CREB3L2: variants seen among roughly 807,000 people sequenced by gnomAD.
The protein encoded by CREB3L2 is cAMP responsive element binding protein 3 like 2.
Under a neutral mutation model 57.2 loss-of-function variants are expected in CREB3L2, and 23 were observed. The observed-to-expected ratio is 0.40, with a 90% CI of 0.29 to 0.57. The LOEUF is 0.57. Ranked by LOEUF, CREB3L2 falls within the 20% of genes least tolerant of loss-of-function variation. CREB3L2 has a pLI of 0.42. For missense variants in CREB3L2, 628 were observed against 634.7 expected (o/e 0.99, Z 0.11); for synonymous variants, 268 against 265.1 (o/e 1.01, Z -0.11).
intron 11 of CREB3L2, 98 bp downstream of exon 11, chr7:137,882,314 C>T: frequency 1.2e-6 from 1 of 867,362 alleles, no homozygotes; most frequent in Non-Finnish European, 1.9e-6. Context: ...GGGACTGAAC[C>T]AGGCCTATGG....
At chr7:137,902,789 T>A (rs1799790797) in intron 7 of CREB3L2, among the ~76,000 whole-genome samples, 1 of 71,714 alleles carries the variant, frequency 1.4e-5, no homozygotes, top group African/African-American at 9.2e-5. Flanking sequence ...TTTTTATTGT[T>A]GTAGTTTTTT....
chr7:137,910,194 C>T (rs1241116569), intron 4 of CREB3L2, among the ~76,000 whole-genome samples: 15 of 152,148 alleles, frequency 9.9e-5, no homozygotes, highest in Admixed American at 9.8e-4. Flanking sequence ...AATGCCCCGT[C>T]AGCCAACCCT....
intron 1 of CREB3L2, among the ~76,000 whole-genome samples, chr7:137,955,672 A>G (rs564923367): frequency 6.6e-6 from 1 of 152,170 alleles, no homozygotes; most frequent in Non-Finnish European, 1.5e-5. Context: ...TATTACCAAT[A>G]AAACTAAAAC....
At chr7:137,987,239 T>C (rs1267323735) in intron 1 of CREB3L2, among the ~76,000 whole-genome samples, 1 of 152,210 alleles carries the variant, frequency 6.6e-6, no homozygotes, top group East Asian at 1.9e-4. Context: ...GTTTCCTCAC[T>C]AGATCCCATC....
intron 8 of CREB3L2, among the ~76,000 whole-genome samples, chr7:137,892,149 G>A (rs931042219): frequency 3.9e-5 from 6 of 152,116 alleles, no homozygotes; most frequent in African/African-American, 9.7e-5. Context: ...ATGAAATGGA[G>A]TCAAATAGAA....
intron 2 of CREB3L2, chr7:137,922,475 CAT>C (rs1244793488): frequency 1.6e-4 from 21 of 132,140 alleles, no homozygotes; most frequent in Non-Finnish European, 2.3e-4. Context: ...TATATACACA[CAT>C]ATATATATAC....
In CREB3L2 at chr7:137,877,181, G is replaced by T. The variant is rs1370581012; in HGVS notation, c.*3295C>A. 1 of 202,338 alleles carries T rather than the reference G, an allele frequency of 4.9e-6. No individual in the cohort carries two copies. Among genetic ancestry groups the T allele is most frequent in the Non-Finnish European group, 9.9e-6 (1 of 101,284 alleles). The allele number at this position is 202,338 out of a possible 1,614,324, so 12.5% of individuals were successfully genotyped here. On this transcript the variant is annotated 3_prime_UTR_variant, in exon 12 of 12. Transcript: ENST00000330387. The stretch of plus-strand genomic sequence containing the variant: ...CAAGCTGAACCAAGAGATTTAGGAA[G>T]AAAAAAAAAAACATGGTAATTATAA...
In CREB3L2 at chr7:137,877,182, A is replaced by T; in HGVS notation, c.*3294T>A. ...AAGCTGAACCAAGAGATTTAGGAAGAAAAAAAAAAACATGGTAATTATAAG... is the reference window on the plus strand; with the variant it reads ...AAGCTGAACCAAGAGATTTAGGAAGTAAAAAAAAAACATGGTAATTATAAG... On this transcript the variant is annotated 3_prime_UTR_variant, in exon 12 of 12. Transcript: ENST00000330387. The T allele has an allele frequency of 5.0e-6, 1 of 198,088 alleles. No homozygotes were observed. The highest frequency in any genetic ancestry group is 1.0e-5 in the Non-Finnish European group (1 of 96,930). The allele number at this position is 198,088 out of a possible 1,614,324, so 12.3% of individuals were successfully genotyped here. A position where few individuals can be genotyped will look rare whatever the true frequency, so the allele number is the denominator to read the frequency against.
rs75227975 is a variant in CREB3L2 at position 137,875,201 on chromosome 7, C to T, written c.*5275G>A. On this transcript the variant is annotated 3_prime_UTR_variant, in exon 12 of 12. Transcript: ENST00000330387. ...TTTAGATTTAAACACTGCTGGTCTA[C>T]GTAACCTGTTACAAAAGAGAGCAAA... 0.01 allele frequency: 2,133 copies of T among 211,700 alleles called. 42 individuals are homozygous for T. The highest frequency in any genetic ancestry group is 0.046 in the African/African-American group (2,007 of 44,068). 13.1% of individuals were successfully genotyped at this position (211,700 alleles called of 1,614,324 possible).
At chr7:137,954,791 A>T (rs1801175593) in intron 1 of CREB3L2, among the ~76,000 whole-genome samples, 1 of 152,208 alleles carries the variant, frequency 6.6e-6, no homozygotes, top group African/African-American at 2.4e-5. Context: ...CAGTTGCCTC[A>T]GACTTTTCTG....
intron 1 of CREB3L2, among the ~76,000 whole-genome samples, chr7:137,983,235 C>T (rs896347575): frequency 2.0e-5 from 3 of 152,154 alleles, no homozygotes; most frequent in African/African-American, 7.2e-5. Flanking sequence ...TGGTGAATGC[C>T]TTCCAGAGGA....
chr7:137,905,700 A>G lies in CREB3L2; in HGVS notation c.915+2T>C, dbSNP rs1219249510. 1 of 1,614,052 alleles carries G rather than the reference A, an allele frequency of 6.2e-7. No individual in the cohort carries two copies. ...AGAAGTGCCTAGATTTGAAGAGCTC[A>G]CCTTATTCTTGATCTTCCTCCGAAT... On this transcript the variant is annotated splice_donor_variant, in intron 6 of 11. Transcript: ENST00000330387. LOFTEE classifies it high-confidence loss of function.
At position 137,901,915 on chromosome 7, in the gene CREB3L2, C is replaced by A. The variant is rs567428451; in HGVS notation, c.975-493G>T. Among the ~76,000 whole-genome samples, 16 of 147,186 alleles carry A rather than the reference C, an allele frequency of 1.1e-4. No individual in the cohort carries two copies. In the South Asian group the frequency reaches 2.1e-3, roughly 20 times the overall value. On this transcript the variant is annotated intron_variant, in intron 7 of 11. Coordinates refer to ENST00000330387, the MANE Select transcript of CREB3L2 (RefSeq NM_194071.4). ...AAAGAAAAATAGAAGGAGCTGGGGCCGGGCGTAGTGGCTCATGTCTATAAT... is the reference window on the plus strand; with the variant it reads ...AAAGAAAAATAGAAGGAGCTGGGGCAGGGCGTAGTGGCTCATGTCTATAAT...
chr7:137,899,250 A>G (rs532013357), intron 8 of CREB3L2, among the ~76,000 whole-genome samples: 1 of 152,120 alleles, frequency 6.6e-6, no homozygotes, highest in South Asian at 2.1e-4. Flanking sequence ...TCCCTCACAC[A>G]CCCGGACTTC....
At chr7:137,950,367 G>T (rs565980413) in intron 1 of CREB3L2, among the ~76,000 whole-genome samples, 19 of 152,284 alleles carry the variant, frequency 1.2e-4, no homozygotes, top group African/African-American at 4.3e-4. Flanking sequence ...GTAAGGTCAG[G>T]TATGATTACC....
At chr7:137,882,701 G>A in intron 10 of CREB3L2, 73 bp from the exon 11 acceptor site, 1 of 1,053,298 alleles carries the variant, frequency 9.5e-7, no homozygotes, top group South Asian at 1.8e-5. Context: ...CACTCCAGGT[G>A]CTCAGGGCTG....
Position 137,912,977 on chromosome 7 carries a change from G to A in CREB3L2, c.583+14C>T, listed in dbSNP as rs1383622500. The A allele has an allele frequency of 2.5e-6, 4 of 1,613,510 alleles. No individual in the cohort carries two copies. Among genetic ancestry groups the A allele is most frequent in the Non-Finnish European group, 3.4e-6 (4 of 1,179,632 alleles). On this transcript the variant is annotated intron_variant, in intron 4 of 11. Transcript: ENST00000330387. ...TATCCATAACCCAAAGGGACACAGG[G>A]AGGGCAGACAGACCTTCTTTAGGAG... is the stretch of plus-strand genomic sequence containing the variant.
At chr7:137,904,113 C>T in intron 6 of CREB3L2, 96 bp from the exon 7 acceptor site, 2 of 952,774 alleles carry the variant, frequency 2.1e-6, no homozygotes, top group South Asian at 1.4e-5. Context: ...CACCAAAGCC[C>T]TGCTTACTTC....
chr7:137,960,241 C>T (rs1016896120), intron 1 of CREB3L2, among the ~76,000 whole-genome samples: 3 of 152,138 alleles, frequency 2.0e-5, no homozygotes, highest in Non-Finnish European at 4.4e-5. Flanking sequence ...ATTTAAACCA[C>T]CATCTGTCTG....
Sources: gnomAD v4.1 joint callset for allele counts (sites outside exome capture counted in the v4.1 genomes callset) on GRCh38, gnomAD v4.1.1 for gene constraint, MANE v1.5 for transcripts, NCBI Gene and HGNC (gene_info 2026-07-23, HGNC 2026-07-21) for gene names.